Variants in PCSK5 observed in about 807,000 individuals in gnomAD.
PCSK5 encodes the protein proprotein convertase subtilisin/kexin type 5, also known as prohormone convertase 5.
In PCSK5, 129 loss-of-function variants were observed where a neutral mutation model predicts 233.2. The ratio of observed to expected loss-of-function variants is 0.55; its 90% CI spans 0.48 to 0.64. The LOEUF is 0.64. PCSK5 is among the 30% of genes least tolerant of loss of function. The probability of loss-of-function intolerance (pLI) is 0.00; values close to 1 mark genes in which losing one functional copy is unlikely to be tolerated. For missense variants in PCSK5, 2,076 were observed against 2,430.1 expected (o/e 0.85, Z 3.06); for synonymous variants, 825 against 879.2 (o/e 0.94, Z 1.09).
chr9:75,949,760 G>A (rs952978176), intron 2 of PCSK5, among the ~76,000 whole-genome samples: 1 of 152,078 alleles, frequency 6.6e-6, no homozygotes, highest in Non-Finnish European at 1.5e-5. Flanking sequence ...TATCTTGACT[G>A]TGATCCGCCC....
At chr9:76,294,957 A>G (rs1371224775) in intron 25 of PCSK5, among the ~76,000 whole-genome samples, 4 of 152,086 alleles carry the variant, frequency 2.6e-5, no homozygotes. Flanking sequence ...GTTTGAGACC[A>G]GCCTGGGCAA....
At chr9:75,964,876 C>A (rs1825507536) in intron 2 of PCSK5, among the ~76,000 whole-genome samples, 1 of 151,682 alleles carries the variant, frequency 6.6e-6, no homozygotes, top group African/African-American at 2.4e-5. Flanking sequence ...CATCTTTTCT[C>A]TTCATGCCAA....
At chr9:75,947,073 C>T (rs1824610612) in intron 2 of PCSK5, among the ~76,000 whole-genome samples, 1 of 152,122 alleles carries the variant, frequency 6.6e-6, no homozygotes, top group Non-Finnish European at 1.5e-5. Flanking sequence ...TTTGTTCCTG[C>T]AGTACGTGTT....
intron 12 of PCSK5, among the ~76,000 whole-genome samples, chr9:76,162,683 C>G (rs949779203): frequency 1.3e-5 from 2 of 152,020 alleles, no homozygotes; most frequent in African/African-American, 4.8e-5. Context: ...AAGCAAAGAA[C>G]AAAGATTTTT....
rs144398749 is a variant in PCSK5 at position 75,934,684 on chromosome 9, C to G, written c.297+2201C>G. Reference sequence around the variant, plus strand: ...ACAACCTCCAACTCCCGGGTTCAAGCGATTCTCCTGCCTCAGCCTCCTGAG... The same window carrying G: ...ACAACCTCCAACTCCCGGGTTCAAGGGATTCTCCTGCCTCAGCCTCCTGAG... On this transcript the variant is annotated intron_variant, in intron 2 of 37. Coordinates refer to ENST00000674117, the MANE Select transcript of PCSK5 (RefSeq NM_001372043.1). Among the ~76,000 whole-genome samples, 1,428 of 151,932 alleles carry G rather than the reference C, an allele frequency of 9.4e-3. 31 individuals carry two copies. The highest frequency in any genetic ancestry group is 0.033 in the African/African-American group (1,381 of 41,400).
At chr9:76,035,005 C>T (rs868446927) in intron 5 of PCSK5, among the ~76,000 whole-genome samples, 3 of 152,106 alleles carry the variant, frequency 2.0e-5, no homozygotes, top group Non-Finnish European at 4.4e-5. Context: ...TCCCAGAAGG[C>T]TGACTTTGAG....
intron 33 of PCSK5, among the ~76,000 whole-genome samples, chr9:76,332,079 G>A (rs147610646): frequency 2.0e-5 from 3 of 152,258 alleles, no homozygotes; most frequent in African/African-American, 4.8e-5. Context: ...CACAGGCGCC[G>A]GACTGTAGTT....
chr9:76,179,377 T>G (rs1013367859), intron 14 of PCSK5, among the ~76,000 whole-genome samples: 1 of 152,140 alleles, frequency 6.6e-6, no homozygotes, highest in Non-Finnish European at 1.5e-5. Context: ...GAATTTACAT[T>G]CTTTATACCT....
chr9:76,254,904 T>C (rs1188908757), intron 24 of PCSK5, among the ~76,000 whole-genome samples: 4 of 152,238 alleles, frequency 2.6e-5, no homozygotes, highest in Non-Finnish European at 5.9e-5. Flanking sequence ...ATTAGGATCC[T>C]GCGGAGCTGT....
intron 2 of PCSK5, among the ~76,000 whole-genome samples, chr9:75,943,247 G>T (rs1218429174): frequency 1.3e-5 from 2 of 152,122 alleles, no homozygotes; most frequent in Non-Finnish European, 2.9e-5. Context: ...AAAATGTAAT[G>T]ATAGCATTCT....
At chr9:76,314,225 G>T (rs1328514592) in intron 30 of PCSK5, among the ~76,000 whole-genome samples, 2 of 152,180 alleles carry the variant, frequency 1.3e-5, no homozygotes, top group African/African-American at 4.8e-5. Context: ...ACACTACGCA[G>T]ACATGCAGCA....
chr9:76,268,623 C>T (rs1197842633), intron 24 of PCSK5, among the ~76,000 whole-genome samples: 1 of 152,146 alleles, frequency 6.6e-6, no homozygotes, highest in East Asian at 1.9e-4. Context: ...GTGGACAGAT[C>T]GCTTGAGCCC....
chr9:76,280,679 T>C (rs1197752625), intron 24 of PCSK5, among the ~76,000 whole-genome samples: 1 of 151,936 alleles, frequency 6.6e-6, no homozygotes, highest in Admixed American at 6.6e-5. Context: ...CAGGCTGCAG[T>C]AAGCCATGAT....
At chr9:76,282,900 G>T (rs554924701) in intron 24 of PCSK5, among the ~76,000 whole-genome samples, 9 of 152,270 alleles carry the variant, frequency 5.9e-5, no homozygotes, top group African/African-American at 2.2e-4. Context: ...GGAAGAAGTT[G>T]ATTCTAACCC....
intron 1 of PCSK5, among the ~76,000 whole-genome samples, chr9:75,909,164 A>C (rs1822601490): frequency 6.6e-6 from 1 of 150,836 alleles, no homozygotes; most frequent in Non-Finnish European, 1.5e-5. Flanking sequence ...TTCTCTACTA[A>C]AAATACAAAA....
chr9:75,892,562 T>C (rs1390598590), intron 1 of PCSK5, among the ~76,000 whole-genome samples: 3 of 152,210 alleles, frequency 2.0e-5, no homozygotes, highest in African/African-American at 7.2e-5. Flanking sequence ...CTGCGTGCTC[T>C]GCCAGGGGGA....
intron 20 of PCSK5, among the ~76,000 whole-genome samples, chr9:76,215,716 G>C (rs1825501646): frequency 6.6e-6 from 1 of 152,092 alleles, no homozygotes; most frequent in African/African-American, 2.4e-5. Context: ...TTCTCTGTAA[G>C]GATCACCTGG....
chr9:76,295,459 C>T, intron 26 of PCSK5, 48 bp downstream of exon 26: 1 of 1,584,072 alleles, frequency 6.3e-7, no homozygotes, highest in Non-Finnish European at 8.6e-7. Flanking sequence ...GGCACTGGAG[C>T]TCCACACAGT....
chr9:76,186,021 T>C (rs1313145805), intron 17 of PCSK5, among the ~76,000 whole-genome samples: 1 of 152,164 alleles, frequency 6.6e-6, no homozygotes, highest in Non-Finnish European at 1.5e-5. Flanking sequence ...ATGAGAGCCA[T>C]ATATGTAATT....
Sources: allele counts gnomAD v4.1 joint callset (sites outside exome capture counted in the v4.1 genomes callset), GRCh38; gene constraint gnomAD v4.1.1; transcripts MANE v1.5; gene names NCBI Gene and HGNC (gene_info 2026-07-23, HGNC 2026-07-21).